The following RTL9 variants were observed in gnomAD, a reference collection of about 807,000 sequenced individuals.
The protein encoded by RTL9 is retrotransposon Gag-like protein 9.
A neutral mutation model predicts 44.7 loss-of-function variants in RTL9; 19 were observed. The observed-to-expected ratio is 0.42, with a 90% CI of 0.30 to 0.62. The LOEUF is 0.62. Among genes scored for constraint, RTL9 ranks in the 20% least tolerant of loss-of-function variants. The pLI is 0.16. For missense variants in RTL9, 1,105 were observed against 1,080.6 expected (o/e 1.02, Z -0.32); for synonymous variants, 407 against 398.9 (o/e 1.02, Z -0.24).
chrX:110,386,528 T>C (rs2068456353), intron 1 of RTL9, among the ~76,000 whole-genome samples: 2 of 111,120 alleles, frequency 1.8e-5, no homozygotes, highest in Admixed American at 1.9e-4. Context: ...CATTTTTAAA[T>C]TGGGTTGTCA....
intron 1 of RTL9, among the ~76,000 whole-genome samples, chrX:110,403,706 C>T (rs1313605135): frequency 8.9e-6 from 1 of 112,160 alleles, no homozygotes; most frequent in Non-Finnish European, 1.9e-5. Context: ...TTATGACAAA[C>T]TCATTTGGCA....
At chrX:110,443,626 A>G in intron 1 of RTL9, among the ~76,000 whole-genome samples, 1 of 112,420 alleles carries the variant, frequency 8.9e-6, no homozygotes, top group Non-Finnish European at 1.9e-5. Flanking sequence ...AAGGAAGTCT[A>G]CATTATTACC....
At chrX:110,432,797 A>G (rs2068807563) in intron 1 of RTL9, among the ~76,000 whole-genome samples, 1 of 112,549 alleles carries the variant, frequency 8.9e-6, no homozygotes, top group Non-Finnish European at 1.9e-5. Context: ...TTTCCAAGTG[A>G]GTGAAGTCCC....
In RTL9 at chrX:110,420,032, G is replaced by A. The variant is rs139744829; in HGVS notation, c.-168+897G>A. Among the ~76,000 whole-genome samples, 834 of 111,477 alleles carry A rather than the reference G, an allele frequency of 7.5e-3. 12 individuals are homozygous for A. The highest frequency in any genetic ancestry group is 0.026 in the African/African-American group (805 of 30,617). On this transcript the variant is annotated intron_variant, in intron 1 of 3. Transcript: ENST00000465301. ...AAAAGTGCCCAAGGTCACACAGCTA[G>A]CAAGAGACAGAACCAAAAGTTGAAC... is the stretch of plus-strand genomic sequence containing the variant.
chrX:110,398,812 G>T (rs974415951), intron 1 of RTL9, among the ~76,000 whole-genome samples: 2 of 112,366 alleles, frequency 1.8e-5, no homozygotes, highest in Admixed American at 9.4e-5. Context: ...AACACTAAAA[G>T]ATACATCTAA....
chrX:110,415,176 C>T (rs1014462824), upstream of RTL9, among the ~76,000 whole-genome samples: 24 of 111,958 alleles, frequency 2.1e-4, no homozygotes, highest in African/African-American at 7.8e-4. Flanking sequence ...GCACCAGAGC[C>T]ATGGTTAAAT....
chrX:110,404,469 G>T (rs1278506435), intron 1 of RTL9, among the ~76,000 whole-genome samples: 1 of 111,945 alleles, frequency 8.9e-6, no homozygotes, highest in Non-Finnish European at 1.9e-5. Flanking sequence ...AACTCCAGGG[G>T]CATGAACAAC....
intron 1 of RTL9, among the ~76,000 whole-genome samples, chrX:110,405,225 T>G (rs1348410566): frequency 9.0e-6 from 1 of 110,764 alleles, no homozygotes; most frequent in East Asian, 2.8e-4. Flanking sequence ...TATCCTTTCT[T>G]GTGTTGTTAT....
At chrX:110,366,689 A>T (rs1292192367) in intron 1 of RTL9, among the ~76,000 whole-genome samples, 1 of 111,625 alleles carries the variant, frequency 9.0e-6, no homozygotes, top group African/African-American at 3.3e-5. Flanking sequence ...ATGTGATTTG[A>T]ATAACAGACA....
At chrX:110,362,657 T>C (rs901916494) in intron 1 of RTL9, among the ~76,000 whole-genome samples, 1 of 112,052 alleles carries the variant, frequency 8.9e-6, no homozygotes, top group African/African-American at 3.2e-5. Context: ...AATCACATGG[T>C]AGGAAATATG....
At chrX:110,389,237 T>C (rs899808384) in intron 1 of RTL9, among the ~76,000 whole-genome samples, 2 of 113,070 alleles carry the variant, frequency 1.8e-5, no homozygotes, top group Non-Finnish European at 3.7e-5. Context: ...TATTAATTTA[T>C]GCAGAATATT....
At chrX:110,386,820 C>A (rs2068458574) in intron 1 of RTL9, among the ~76,000 whole-genome samples, 1 of 112,318 alleles carries the variant, frequency 8.9e-6, no homozygotes, top group African/African-American at 3.2e-5. Context: ...CTGTGCCAGG[C>A]ACTGTGGGGG....
At chrX:110,383,923 C>T in intron 1 of RTL9, among the ~76,000 whole-genome samples, 1 of 111,821 alleles carries the variant, frequency 8.9e-6, no homozygotes, top group Non-Finnish European at 1.9e-5. Flanking sequence ...GATGTTGAGC[C>T]AATTACTTCG....
intron 1 of RTL9, among the ~76,000 whole-genome samples, chrX:110,430,624 C>T (rs1420110665): frequency 8.9e-6 from 1 of 111,869 alleles, no homozygotes; most frequent in Non-Finnish European, 1.9e-5. Flanking sequence ...ACTATGAGAG[C>T]CATATAGTCC....
chrX:110,420,332 A>C (rs145936065), intron 1 of RTL9, among the ~76,000 whole-genome samples: 1,917 of 112,183 alleles, frequency 0.017, 52 homozygotes, highest in African/African-American at 0.06. Context: ...TCGTTGAATG[A>C]GCAAATGAGT....
At chrX:110,437,065 C>G (rs1367825083) in intron 1 of RTL9, among the ~76,000 whole-genome samples, 1 of 112,041 alleles carries the variant, frequency 8.9e-6, no homozygotes, top group Non-Finnish European at 1.9e-5. Context: ...AGTGATTTCA[C>G]GAATCTTTAG....
chrX:110,432,562 C>T (rs1327749173), intron 1 of RTL9, among the ~76,000 whole-genome samples: 1 of 111,876 alleles, frequency 8.9e-6, no homozygotes, highest in African/African-American at 3.3e-5. Context: ...GAGCGTGGCA[C>T]CTCATTGCTA....
intron 1 of RTL9, among the ~76,000 whole-genome samples, chrX:110,430,278 A>G (rs1483186888): frequency 1.8e-5 from 2 of 112,966 alleles, no homozygotes; most frequent in Non-Finnish European, 3.7e-5. Context: ...GGTATTAACA[A>G]AGAACAGTAG....
Position 110,386,825 on chromosome X carries a change from T to C in RTL9, c.-168+27909T>C, listed in dbSNP as rs1417441588. 6.2e-5 allele frequency among the ~76,000 whole-genome samples: 7 copies of C among 112,192 alleles called. No homozygotes were observed. The East Asian group carries it at 1.9e-3, about 31-fold the overall frequency. ...AGCTTCTCCTCTGTGCCAGGCACTGTGGGGGAATAAGACCTAACCTCTATT... is the reference window on the plus strand; with the variant it reads ...AGCTTCTCCTCTGTGCCAGGCACTGCGGGGGAATAAGACCTAACCTCTATT... On this transcript the variant is annotated intron_variant, in intron 1 of 2. Transcript: ENST00000520821.
Sources: gnomAD v4.1 joint callset for allele counts (sites outside exome capture counted in the v4.1 genomes callset) on GRCh38, gnomAD v4.1.1 for gene constraint, MANE v1.5 for transcripts, NCBI Gene and HGNC (gene_info 2026-07-23, HGNC 2026-07-21) for gene names.